CENPP: variants seen among roughly 807,000 people sequenced by gnomAD.
The protein encoded by CENPP is centromere protein P.
In CENPP, 24 loss-of-function variants were observed where a neutral mutation model predicts 35.6. The ratio of observed to expected loss-of-function variants is 0.67; its 90% CI spans 0.49 to 0.95. CENPP has a LOEUF of 0.95. CENPP is among the 40% of genes least tolerant of loss of function. The pLI is 0.00. For missense variants in CENPP, 332 were observed against 345.3 expected (o/e 0.96, Z 0.31); for synonymous variants, 120 against 125.5 (o/e 0.96, Z 0.29).
At chr9:92,338,150 A>G (rs369508423) in intron 3 of CENPP, among the ~76,000 whole-genome samples, 12 of 152,112 alleles carry the variant, frequency 7.9e-5, no homozygotes, top group African/African-American at 2.7e-4. Flanking sequence ...TGTCTCTACA[A>G]AAAAATAAAA....
intron 5 of CENPP, among the ~76,000 whole-genome samples, chr9:92,467,223 A>T (rs543811347): frequency 6.6e-6 from 1 of 152,222 alleles, no homozygotes; most frequent in East Asian, 1.9e-4. Context: ...GAGTAAAAAG[A>T]GCTCGTACCA....
chr9:92,573,396 C>T (rs1564007769), intron 5 of CENPP, among the ~76,000 whole-genome samples: 1 of 152,192 alleles, frequency 6.6e-6, no homozygotes, highest in South Asian at 2.1e-4. Flanking sequence ...GTATCACCAG[C>T]GGATGCTGCA....
At chr9:92,451,333 G>A (rs1844702959) in intron 5 of CENPP, among the ~76,000 whole-genome samples, 3 of 147,238 alleles carry the variant, frequency 2.0e-5, no homozygotes, top group Non-Finnish European at 4.5e-5. Flanking sequence ...AGTTTTCCCA[G>A]CACCATTTAT....
intron 1 of CENPP, among the ~76,000 whole-genome samples, chr9:92,326,964 G>C (rs565325725): frequency 6.6e-6 from 1 of 152,350 alleles, no homozygotes; most frequent in East Asian, 1.9e-4. Flanking sequence ...GTGCGGTCAT[G>C]AAAGTAGAGG....
At chr9:92,514,496 A>G in intron 5 of CENPP, 3 of 1,228,992 alleles carry the variant, frequency 2.4e-6, no homozygotes, top group Non-Finnish European at 3.3e-6. Flanking sequence ...GCTGGTCTCA[A>G]ACCCCTGACC....
intron 5 of CENPP, among the ~76,000 whole-genome samples, chr9:92,608,625 A>T (rs1404417417): frequency 6.6e-6 from 1 of 152,128 alleles, no homozygotes; most frequent in South Asian, 2.1e-4. Flanking sequence ...AATGAGACCC[A>T]TCCTTTCTAT....
chr9:92,355,086 G>A (rs1841555527), intron 4 of CENPP, among the ~76,000 whole-genome samples: 1 of 152,146 alleles, frequency 6.6e-6, no homozygotes, highest in Non-Finnish European at 1.5e-5. Flanking sequence ...TGCACATATT[G>A]TCTTGATAAA....
intron 4 of CENPP, among the ~76,000 whole-genome samples, chr9:92,367,664 C>A (rs1841919330): frequency 6.6e-6 from 1 of 152,106 alleles, no homozygotes; most frequent in South Asian, 2.1e-4. Flanking sequence ...GTTGCTCAGG[C>A]TGTAGTGCAA....
chr9:92,436,060 A>G (rs1184261888), intron 5 of CENPP, among the ~76,000 whole-genome samples: 2 of 152,226 alleles, frequency 1.3e-5, no homozygotes, highest in Admixed American at 6.5e-5. Context: ...CGACATCCTC[A>G]CTAACATTTG....
At chr9:92,387,060 A>G (rs1415583569) in intron 5 of CENPP, among the ~76,000 whole-genome samples, 1 of 149,350 alleles carries the variant, frequency 6.7e-6, no homozygotes, top group African/African-American at 2.5e-5. Context: ...AAAGAAAAAA[A>G]AAAAAAAAAA....
rs146817638 is a variant in CENPP at position 92,370,451 on chromosome 9, G to T, written c.468-9312G>T. Among the ~76,000 whole-genome samples, 369 of 152,088 alleles carry T rather than the reference G, an allele frequency of 2.4e-3. 4 individuals are homozygous for T. The highest frequency in any genetic ancestry group is 8.3e-3 in the African/African-American group (345 of 41,520). ...ACGGCTGTTACTCCTTCTGGTCCTG[G>T]TCTTTTCTATGTTAGACTTTTTATT... is the stretch of plus-strand genomic sequence containing the variant. On this transcript the variant is annotated intron_variant, in intron 4 of 7. Coordinates refer to ENST00000375587, the MANE Select transcript of CENPP (RefSeq NM_001012267.3).
chr9:92,352,510 C>CATATACATATATAT (rs1841486290), intron 4 of CENPP, among the ~76,000 whole-genome samples: 1 of 50,454 alleles, frequency 2.0e-5, no homozygotes, highest in African/African-American at 1.6e-4. Context: ...TGTGTGTATA[C>CATATACATATATAT]ATATATATAT....
intron 5 of CENPP, among the ~76,000 whole-genome samples, chr9:92,434,727 T>C (rs1245922884): frequency 1.3e-5 from 2 of 152,116 alleles, no homozygotes; most frequent in African/African-American, 4.8e-5. Flanking sequence ...AGATGCAAGA[T>C]GATTCAGACC....
At chr9:92,608,484 C>G (rs1014795154) in intron 5 of CENPP, among the ~76,000 whole-genome samples, 3 of 152,208 alleles carry the variant, frequency 2.0e-5, no homozygotes, top group African/African-American at 7.2e-5. Flanking sequence ...TAAAACTCGA[C>G]TGCTGTTGAG....
chr9:92,414,876 AT>A (rs1441006407), intron 5 of CENPP: 2 of 275,936 alleles, frequency 7.2e-6, no homozygotes, highest in East Asian at 5.7e-5. Context: ...TTAACATGAT[AT>A]TTCTATATTT....
intron 5 of CENPP, among the ~76,000 whole-genome samples, chr9:92,454,104 T>C (rs1427943968): frequency 1.3e-5 from 2 of 152,360 alleles, no homozygotes; most frequent in Non-Finnish European, 2.9e-5. Context: ...ATTTTTCCAG[T>C]GGGTAATATT....
intron 3 of CENPP, chr9:92,340,541 G>A (rs1398657708): frequency 1.3e-5 from 2 of 152,834 alleles, no homozygotes; most frequent in East Asian, 1.9e-4. Flanking sequence ...ACCCCAAATG[G>A]AGGGACTGGC....
At chr9:92,444,012 T>G (rs910687417) in intron 5 of CENPP, among the ~76,000 whole-genome samples, 1 of 152,096 alleles carries the variant, frequency 6.6e-6, no homozygotes, top group Non-Finnish European at 1.5e-5. Flanking sequence ...GGCTTAGAAA[T>G]AGACATTGAA....
intron 5 of CENPP, among the ~76,000 whole-genome samples, chr9:92,565,422 G>A (rs376433207): frequency 3.3e-5 from 5 of 150,986 alleles, no homozygotes; most frequent in African/African-American, 1.2e-4. Flanking sequence ...AGACAAGCTT[G>A]TTCTACAGGA....
Sources: allele counts gnomAD v4.1 joint callset (sites outside exome capture counted in the v4.1 genomes callset), GRCh38; gene constraint gnomAD v4.1.1; transcripts MANE v1.5; gene names NCBI Gene and HGNC (gene_info 2026-07-23, HGNC 2026-07-21).